Variants in ANOS1 observed in about 807,000 individuals in gnomAD.
ANOS1 encodes anosmin 1, also known as anosmin-1.
ANOS1 carries 6 observed loss-of-function variants against 59.0 expected under a neutral mutation model. That is an observed-to-expected ratio of 0.10 (90% CI 0.06 to 0.20). The LOEUF is 0.20. Among genes scored for constraint, ANOS1 ranks in the 10% least tolerant of loss-of-function variants. ANOS1 has a pLI of 1.00. For synonymous variants in ANOS1, 217 were observed against 223.4 expected (o/e 0.97, Z 0.25); for missense variants, 433 against 542.3 (o/e 0.80, Z 2.00).
intron 9 of ANOS1, among the ~76,000 whole-genome samples, chrX:8,544,197 G>A (rs1929730248): frequency 9.2e-6 from 1 of 108,127 alleles, no homozygotes; most frequent in South Asian, 4.1e-4. Context: ...GAATGATAGG[G>A]TTATTGACAT....
intron 6 of ANOS1, 99 bp from the exon 7 acceptor site, chrX:8,570,803 A>G: frequency 2.4e-6 from 2 of 828,269 alleles, no homozygotes; most frequent in Non-Finnish European, 1.8e-6. Context: ...ATTGCTTTTT[A>G]TAGATAGAAA....
chrX:8,671,139 T>A (rs1932247042), intron 2 of ANOS1, among the ~76,000 whole-genome samples: 1 of 111,787 alleles, frequency 8.9e-6, no homozygotes, highest in South Asian at 3.7e-4. Context: ...CCTCTCTGGC[T>A]TCCATCACTG....
intron 2 of ANOS1, among the ~76,000 whole-genome samples, chrX:8,636,529 T>C (rs1931576205): frequency 8.9e-6 from 1 of 112,245 alleles, no homozygotes; most frequent in African/African-American, 3.2e-5. Flanking sequence ...TGAGTGATTA[T>C]AGTAGGTTCT....
intron 13 of ANOS1, among the ~76,000 whole-genome samples, chrX:8,534,109 A>G (rs1166279591): frequency 1.8e-5 from 2 of 110,161 alleles, no homozygotes; most frequent in Non-Finnish European, 3.8e-5. Context: ...AGAACAATTA[A>G]GCATCAACTA....
rs1236044261 is a variant in ANOS1, at chrX:8,528,912, C to T, written c.*4083G>A. ...TACTTTATTATTGAACCAGTATGTACAAACTCTAACATGAAAATAATGAGT... is the reference window on the plus strand; with the variant it reads ...TACTTTATTATTGAACCAGTATGTATAAACTCTAACATGAAAATAATGAGT... On this transcript the variant is annotated 3_prime_UTR_variant, in exon 14 of 14. Coordinates refer to ENST00000262648, the MANE Select transcript of ANOS1 (RefSeq NM_000216.4). The T allele has an allele frequency of 1.8e-5, 2 of 111,568 alleles. No individual in the cohort carries two copies. Among genetic ancestry groups the T allele is most frequent in the Non-Finnish European group, 3.8e-5 (2 of 53,192 alleles). 9.2% of individuals were successfully genotyped at this position (111,568 alleles called of 1,213,427 possible).
chrX:8,597,658 C>CTTTTTTTTTTTTTTTTTTTTTT, intron 3 of ANOS1, among the ~76,000 whole-genome samples: 1 of 25,146 alleles, frequency 4.0e-5, no homozygotes, highest in South Asian at 5.6e-3. Context: ...TTCTTTCTCC[C>CTTTTTTTTTTTTTTTTTTTTTT]TTTTTTTTTT....
At chrX:8,727,968 T>C (rs192588850) in intron 1 of ANOS1, among the ~76,000 whole-genome samples, 1 of 112,869 alleles carries the variant, frequency 8.9e-6, no homozygotes, top group East Asian at 2.8e-4. Flanking sequence ...TAAAACACCA[T>C]GACAAGTTAA....
chrX:8,699,386 T>G (rs931527402), intron 2 of ANOS1, among the ~76,000 whole-genome samples: 1 of 112,118 alleles, frequency 8.9e-6, no homozygotes, highest in Non-Finnish European at 1.9e-5. Context: ...TTCTTAATGT[T>G]TTTTAACAGA....
In ANOS1 at chrX:8,532,795, GT is replaced by G. The variant is rs1247586089; in HGVS notation, c.*199del. 1 of 402,932 alleles carries G rather than the reference GT, an allele frequency of 2.5e-6. No homozygotes were observed. The highest frequency in any genetic ancestry group is 2.5e-5 in the African/African-American group (1 of 39,823). The allele number at this position is 402,932 out of a possible 1,213,427, so 33.2% of individuals were successfully genotyped here. A position where few individuals can be genotyped will look rare whatever the true frequency, so the allele number is the denominator to read the frequency against. ...TTCTCCATGCTTGTAGGGAACTGGT[GT>G]CTGTCTTCACCAATCTACTGTTTCT... On this transcript the variant is annotated 3_prime_UTR_variant, in exon 14 of 14. Coordinates refer to ENST00000262648, the MANE Select transcript of ANOS1 (RefSeq NM_000216.4).
At chrX:8,663,501 A>G (rs1164330451) in intron 2 of ANOS1, among the ~76,000 whole-genome samples, 1 of 111,640 alleles carries the variant, frequency 9.0e-6, no homozygotes, top group African/African-American at 3.3e-5. Flanking sequence ...AGGATGGTAG[A>G]TAAGAAAAGA....
chrX:8,599,110 C>T lies in ANOS1; in HGVS notation c.319-1854G>A, dbSNP rs190385303. 6.4e-3 allele frequency among the ~76,000 whole-genome samples: 711 copies of T among 111,825 alleles called. 3 individuals carry two copies. The highest frequency in any genetic ancestry group is 0.01 in the Non-Finnish European group (543 of 53,154). On this transcript the variant is annotated intron_variant, in intron 3 of 13. Transcript: ENST00000262648. ...TGCCGGGAACAGCTGCCTTGAACTG[C>T]TTCATGGGTATAAAGCAAGTACACA...
chrX:8,644,511 T>C (rs1485567132), intron 2 of ANOS1, among the ~76,000 whole-genome samples: 8 of 111,687 alleles, frequency 7.2e-5, no homozygotes. Flanking sequence ...CCTCAAAATA[T>C]ATTTCTTTGA....
chrX:8,576,108 C>T (rs771215178), intron 6 of ANOS1, among the ~76,000 whole-genome samples: 24 of 110,553 alleles, frequency 2.2e-4, no homozygotes, highest in African/African-American at 7.9e-4. Context: ...GATTCTGGCT[C>T]TTAAAAAAAC....
intron 6 of ANOS1, among the ~76,000 whole-genome samples, chrX:8,571,367 G>T (rs758562478): frequency 1.2e-3 from 128 of 111,086 alleles, no homozygotes; most frequent in Middle Eastern, 4.6e-3. Context: ...ACATTAAATA[G>T]GTAAGCAACA....
intron 3 of ANOS1, among the ~76,000 whole-genome samples, chrX:8,612,027 G>T (rs200587737): frequency 9.0e-6 from 1 of 111,563 alleles, no homozygotes; most frequent in African/African-American, 3.2e-5. Flanking sequence ...GTATGATTTA[G>T]GACACTAAGA....
intron 2 of ANOS1, among the ~76,000 whole-genome samples, chrX:8,659,144 G>A (rs940241271): frequency 6.7e-5 from 7 of 105,169 alleles, no homozygotes; most frequent in Non-Finnish European, 9.9e-5. Flanking sequence ...GGAGAATCGC[G>A]TGAACCCGGG....
At chrX:8,682,317 AG>A (rs1932437543) in intron 2 of ANOS1, among the ~76,000 whole-genome samples, 1 of 109,359 alleles carries the variant, frequency 9.1e-6, no homozygotes, top group Non-Finnish European at 1.9e-5. Context: ...AAAAAAAAAA[AG>A]TAAGATCTGG....
intron 2 of ANOS1, among the ~76,000 whole-genome samples, chrX:8,660,344 G>C (rs1932016110): frequency 8.9e-6 from 1 of 112,004 alleles, no homozygotes; most frequent in Admixed American, 9.4e-5. Context: ...CTAGGCATCA[G>C]ACTCAAGTTT....
chrX:8,714,280 T>C (rs1319015246), intron 1 of ANOS1, among the ~76,000 whole-genome samples: 2 of 111,922 alleles, frequency 1.8e-5, no homozygotes, highest in Non-Finnish European at 3.8e-5. Flanking sequence ...AAATAGATGC[T>C]TGGCAGCTGC....
Sources: gnomAD v4.1 joint callset for allele counts (sites outside exome capture counted in the v4.1 genomes callset) on GRCh38, gnomAD v4.1.1 for gene constraint, MANE v1.5 for transcripts, NCBI Gene and HGNC (gene_info 2026-07-23, HGNC 2026-07-21) for gene names.